Variants in ADGRL4 observed in about 807,000 individuals in gnomAD.
ADGRL4 encodes adhesion G protein-coupled receptor L4.
ADGRL4 carries 90 observed loss-of-function variants against 74.8 expected under a neutral mutation model. The ratio of observed to expected loss-of-function variants is 1.20; its 90% CI spans 1.02 to 1.43. The LOEUF (loss-of-function observed/expected upper bound fraction) is 1.43, where lower values mean the gene tolerates loss of function less well. Among genes scored for constraint, ADGRL4 ranks in the 40% most tolerant of loss-of-function variants. The pLI is 0.00. For synonymous variants in ADGRL4, 311 were observed against 279.2 expected (o/e 1.11, Z -1.14); for missense variants, 881 against 814.3 (o/e 1.08, Z -1.00).
chr1:78,907,054 C>T (rs1648660021), intron 12 of ADGRL4, among the ~76,000 whole-genome samples: 1 of 152,030 alleles, frequency 6.6e-6, no homozygotes, highest in South Asian at 2.1e-4. Context: ...GTACTCTTCA[C>T]TATCCATATT....
At chr1:78,898,367 A>T (rs1648443050) in intron 12 of ADGRL4, among the ~76,000 whole-genome samples, 1 of 152,108 alleles carries the variant, frequency 6.6e-6, no homozygotes, top group Admixed American at 6.6e-5. Context: ...AATGAGATGC[A>T]CTTTTACTCT....
At chr1:78,909,308 A>G (rs1648708149) in intron 12 of ADGRL4, among the ~76,000 whole-genome samples, 1 of 151,936 alleles carries the variant, frequency 6.6e-6, no homozygotes, top group Non-Finnish European at 1.5e-5. Context: ...TATGCTATTT[A>G]TAGAGGACTG....
intron 2 of ADGRL4, among the ~76,000 whole-genome samples, chr1:78,977,572 T>G (rs1288126392): frequency 2.0e-5 from 3 of 151,874 alleles, no homozygotes; most frequent in African/African-American, 4.8e-5. Flanking sequence ...AGACTTAATA[T>G]AAAGTTACAT....
At chr1:78,962,414 T>C (rs577629799) in intron 2 of ADGRL4, among the ~76,000 whole-genome samples, 1 of 152,272 alleles carries the variant, frequency 6.6e-6, no homozygotes, top group East Asian at 1.9e-4. Flanking sequence ...ATATGGTAAG[T>C]TTTAGCCTAC....
rs759497342 is a variant in ADGRL4 at position 78,920,247 on chromosome 1, A to G, written c.1397T>C (p.Leu466Pro). 1.9e-6 allele frequency: 3 copies of G among 1,612,062 alleles called. No homozygotes were observed. The African/African-American group carries it at 4.0e-5, about 22-fold the overall frequency. The change falls in exon 10 of 15, where the codon CTT becomes CCT. Residue 466 changes from leucine to proline, a missense_variant. Coordinates refer to ENST00000370742, the MANE Select transcript of ADGRL4 (RefSeq NM_022159.4). ...TTCAGCAAGAAATAGGCTACAGCAA[A>G]GATTTTTGTGAATTGTTGTCCTGGT... ...QSTRTTIHKNLCCSLFLAELV... is the reference protein window; with the variant it reads ...QSTRTTIHKNPCCSLFLAELV...
chr1:78,911,015 T>C (rs1648752064), intron 12 of ADGRL4, among the ~76,000 whole-genome samples: 1 of 151,888 alleles, frequency 6.6e-6, no homozygotes, highest in South Asian at 2.1e-4. Flanking sequence ...AATATTTGTT[T>C]GAAACAACAT....
chr1:78,903,627 A>C (rs950853175), intron 12 of ADGRL4, among the ~76,000 whole-genome samples: 1 of 152,208 alleles, frequency 6.6e-6, no homozygotes, highest in Admixed American at 6.6e-5. Context: ...TAACAGTGGA[A>C]GTTTAAAAAA....
chr1:78,984,287 A>T (rs17102572), intron 2 of ADGRL4, among the ~76,000 whole-genome samples: 5,469 of 151,818 alleles, frequency 0.036, 125 homozygotes, highest in South Asian at 0.053. Flanking sequence ...GAGGTAGGAG[A>T]TTGGTGCTAA....
At chr1:78,979,746 G>A (rs1214544677) in intron 2 of ADGRL4, among the ~76,000 whole-genome samples, 1 of 151,886 alleles carries the variant, frequency 6.6e-6, no homozygotes, top group African/African-American at 2.4e-5. Context: ...AATGTCTTTT[G>A]CAGTGACTTG....
intron 3 of ADGRL4, among the ~76,000 whole-genome samples, chr1:78,945,177 A>AAAAAAAAAATATATAT (rs376405445): frequency 0.021 from 2,683 of 127,130 alleles, 51 homozygotes; most frequent in Non-Finnish European, 0.036. Flanking sequence ...AAAAAAAAAA[A>AAAAAAAAAATATATAT]ATATATATAT....
chr1:78,907,659 T>TA (rs1443587211), intron 12 of ADGRL4, among the ~76,000 whole-genome samples: 2 of 151,996 alleles, frequency 1.3e-5, no homozygotes, highest in Non-Finnish European at 2.9e-5. Flanking sequence ...TTTGAGTTGA[T>TA]ATCTGAAAGA....
At chr1:78,936,506 T>C in intron 6 of ADGRL4, 95 bp from the exon 7 acceptor site, 1 of 1,128,192 alleles carries the variant, frequency 8.9e-7, no homozygotes, top group Non-Finnish European at 1.2e-6. Context: ...TCCATCATTA[T>C]TGTGTTTTAA....
Position 78,917,827 on chromosome 1 carries a change from T to C in ADGRL4, c.1682+3A>G, listed in dbSNP as rs1270100890. 6.2e-7 allele frequency: 1 copy of C among 1,611,402 alleles called. No individual in the cohort carries two copies. On this transcript the variant is annotated splice_donor_region_variant and intron_variant, in intron 11 of 14. Transcript: ENST00000370742. ...AAATGCTCATGAAATCATTTTAACT[T>C]ACACTTTGGTTGTGCCATAATATCT... is the stretch of plus-strand genomic sequence containing the variant.
chr1:78,891,515 A>G lies in ADGRL4; in HGVS notation c.2010+9T>C, dbSNP rs1196644407. The G allele has an allele frequency of 6.2e-7, 1 of 1,608,484 alleles. No homozygotes were observed. Among genetic ancestry groups the G allele is most frequent in the African/African-American group, 1.3e-5 (1 of 74,478 alleles). ...ATACTAGGAACCACCAAAATAAGAA[A>G]TTGTTTACCTTTCTAGATAAAACAC... is the stretch of plus-strand genomic sequence containing the variant. On this transcript the variant is annotated intron_variant, in intron 14 of 14. Transcript: ENST00000370742.
Position 78,920,384 on chromosome 1 carries a change from A to T in ADGRL4, c.1260T>A (p.Gly420=), listed in dbSNP as rs1377197251. ...AILMSSGPSI[G]IKDYNILTRI... ...TTGTAAGAATATTATAATCTTTAAT[A>T]CCCTAAGGGAAAATAATAATAAAGC... The change falls in exon 10 of 15, where the codon GGT becomes GGA. Residue 420 remains glycine, a splice_region_variant and synonymous_variant. Transcript: ENST00000370742. The T allele has an allele frequency of 6.5e-7, 1 of 1,542,712 alleles. No homozygotes were observed. The highest frequency in any genetic ancestry group is 2.3e-5 in the East Asian group (1 of 44,168).
rs1648230293 is a variant in ADGRL4, at chr1:78,889,920, T to C, written c.*1234A>G. 1.3e-5 allele frequency: 5 copies of C among 399,226 alleles called. No individual in the cohort carries two copies. In the Admixed American group the frequency reaches 1.6e-4, roughly 13 times the overall value. 24.7% of individuals were successfully genotyped at this position (399,226 alleles called of 1,614,324 possible). A position where few individuals can be genotyped will look rare whatever the true frequency, so the allele number is the denominator to read the frequency against. On this transcript the variant is annotated 3_prime_UTR_variant, in exon 15 of 15. Coordinates refer to ENST00000370742, the MANE Select transcript of ADGRL4 (RefSeq NM_022159.4). ...TATTTTTGAGATCAAAATCACTGCT[T>C]ATACATTTTAATGAGAAGATTTAAA...
At chr1:78,946,664 T>C (rs75721048) in intron 2 of ADGRL4, among the ~76,000 whole-genome samples, 3,584 of 152,264 alleles carry the variant, frequency 0.024, 76 homozygotes, top group Non-Finnish European at 0.033. Flanking sequence ...GCACTAGATA[T>C]AACTATTAAA....
intron 2 of ADGRL4, among the ~76,000 whole-genome samples, chr1:78,948,738 C>A (rs1445736266): frequency 6.6e-6 from 1 of 151,986 alleles, no homozygotes; most frequent in Non-Finnish European, 1.5e-5. Flanking sequence ...AAACTAGTTT[C>A]TTAAAATTAA....
At chr1:78,929,123 A>G (rs969282469) in intron 7 of ADGRL4, among the ~76,000 whole-genome samples, 1 of 151,568 alleles carries the variant, frequency 6.6e-6, no homozygotes, top group Non-Finnish European at 1.5e-5. Flanking sequence ...TTATCTTTTT[A>G]TCATAAAACC....
Sources: gnomAD v4.1 joint callset for allele counts (sites outside exome capture counted in the v4.1 genomes callset) on GRCh38, gnomAD v4.1.1 for gene constraint, MANE v1.5 for transcripts, NCBI Gene and HGNC (gene_info 2026-07-23, HGNC 2026-07-21) for gene names.